Variants in DSP observed in about 807,000 individuals in gnomAD.
DSP encodes the protein desmoplakin.
A neutral mutation model predicts 290.6 loss-of-function variants in DSP; 114 were observed. That is an observed-to-expected ratio of 0.39 (90% CI 0.34 to 0.46). DSP has a LOEUF of 0.46. DSP is among the 20% of genes least tolerant of loss of function. The probability of loss-of-function intolerance (pLI) is 0.99; values close to 1 mark genes in which losing one functional copy is unlikely to be tolerated. For synonymous variants in DSP, 1,311 were observed against 1,316.4 expected (o/e 1.00, Z 0.09); for missense variants, 3,230 against 3,495.8 (o/e 0.92, Z 1.92).
Position 7,584,679 on chromosome 6 carries a change from A to C in DSP, c.7417A>C (p.Thr2473Pro). 1.9e-6 allele frequency: 3 copies of C among 1,614,178 alleles called. No homozygotes were observed. The highest frequency in any genetic ancestry group is 2.5e-6 in the Non-Finnish European group (3 of 1,180,038). ...TAGAGTGGTCATAGTTGACCCAGAA[A>C]CCAATAAAGAAATGTCTGTTCAGGA... ...KRRVVIVDPE[T>P]NKEMSVQEAY... The change falls in exon 24 of 24, where the codon ACC (threonine) becomes CCC (proline). Residue 2473 changes from threonine to proline, a missense_variant. By Grantham distance (38) the Thr-to-Pro change is conservative (BLOSUM62 -1). This residue lies in a region of DSP where 582 missense variants were observed against 555.4 expected (regional missense o/e 1.05). Coordinates refer to ENST00000379802, the MANE Select transcript of DSP (RefSeq NM_004415.4). This position sits in a 1 kb window ranked among gnomAD's most constrained non-coding sequence, Gnocchi z 6.4.
chr6:7,542,101 G>C lies in DSP; in HGVS notation c.170+16G>C. On this transcript the variant is annotated intron_variant, in intron 1 of 23. Transcript: ENST00000379802. ...ACGGCTACTGGTGGGTACCTGCCCG[G>C]AGAGCGCGGGCTGCGGGGCTCGCGG... is the stretch of plus-strand genomic sequence containing the variant. 6.4e-7 allele frequency: 1 copy of C among 1,553,718 alleles called. No individual in the cohort carries two copies. The highest frequency in any genetic ancestry group is 8.7e-7 in the Non-Finnish European group (1 of 1,148,766).
intron 1 of DSP, 24 bp from the exon 2 acceptor site, chr6:7,555,694 G>C: frequency 6.2e-7 from 1 of 1,605,034 alleles, no homozygotes; most frequent in South Asian, 1.1e-5. Flanking sequence ...TTGATGTCTG[G>C]TTTCTCTGTG....
intron 19 of DSP, among the ~76,000 whole-genome samples, chr6:7,576,680 T>A (rs1425819665): frequency 6.6e-6 from 1 of 152,204 alleles, no homozygotes; most frequent in Non-Finnish European, 1.5e-5. Flanking sequence ...GTTCTCTTCA[T>A]GTTATCATAA....
At position 7,584,055 on chromosome 6, in the gene DSP, A is replaced by G; in HGVS notation, c.6793A>G (p.Asn2265Asp). 6.2e-7 allele frequency: 1 copy of G among 1,614,182 alleles called. No individual in the cohort carries two copies. The highest frequency in any genetic ancestry group is 1.7e-5 in the Admixed American group (1 of 60,032). The change falls in exon 24 of 24, where the codon AAT becomes GAT. Residue 2265 changes from asparagine to aspartate, a missense_variant. Asn to Asp is a conservative substitution (Grantham distance 23). Around this residue, in one of 5 missense-constraint regions of DSP, gnomAD observed 207 missense variants for 281.2 expected, o/e 0.74. Transcript: ENST00000379802. The surrounding 1 kb of genome is among the most constrained non-coding windows in gnomAD (Gnocchi z 6.4). ...QGSSCIAGIY[N>D]ETTKQKLGIY... ...TTCAAGCTGCATAGCAGGCATATAC[A>G]ATGAGACCACAAAACAGAAGCTTGG...
In DSP at chr6:7,558,296, C is replaced by G. The variant is rs75293156; in HGVS notation, c.422+32C>G. On this transcript the variant is annotated intron_variant, in intron 3 of 23. Transcript: ENST00000379802. ...TCCACAGAGCATGGATCGGGCAGTC[C>G]CCATGAAAAAGAACACCACATAACC... 7,358 of 1,603,400 alleles carry G rather than the reference C, an allele frequency of 4.6e-3. 274 individuals are homozygous for G. In the African/African-American group the frequency reaches 0.082, roughly 18 times the overall value.
chr6:7,568,225 C>T (rs1758921931), intron 10 of DSP, among the ~76,000 whole-genome samples: 1 of 152,202 alleles, frequency 6.6e-6, no homozygotes, highest in Non-Finnish European at 1.5e-5. Flanking sequence ...GGATGTTCTT[C>T]CCTGCCCACT....
At position 7,576,472 on chromosome 6, in the gene DSP, T is replaced by C; in HGVS notation, c.2793+16T>C. On this transcript the variant is annotated intron_variant, in intron 19 of 23. Coordinates refer to ENST00000379802, the MANE Select transcript of DSP (RefSeq NM_004415.4). ...TGAGCAGAAGGTATAAGCCAACTTT[T>C]TGTTCCATAGCTGTTTTGAGATTAA... 6.2e-7 allele frequency: 1 copy of C among 1,614,076 alleles called. No homozygotes were observed. Among genetic ancestry groups the C allele is most frequent in the Non-Finnish European group, 8.5e-7 (1 of 1,179,966 alleles).
At chr6:7,548,903 C>A (rs1430917347) in intron 1 of DSP, among the ~76,000 whole-genome samples, 1 of 152,126 alleles carries the variant, frequency 6.6e-6, no homozygotes, top group Admixed American at 6.5e-5. Context: ...CATTAAGTAC[C>A]TTCTGTGTGC....
intron 13 of DSP, 117 bp downstream of exon 13, chr6:7,570,680 G>A: frequency 6.8e-7 from 1 of 1,466,766 alleles, no homozygotes; most frequent in East Asian, 2.3e-5. Context: ...GTCTCGTCAA[G>A]CAAGTCAGCT....
Position 7,582,064 on chromosome 6 carries a change from C to CT in DSP, c.5379+498dup, listed in dbSNP as rs1207190713. Among the ~76,000 whole-genome samples, 1 of 151,582 alleles carries CT rather than the reference C, an allele frequency of 6.6e-6. No homozygotes were observed. Among genetic ancestry groups the CT allele is most frequent in the African/African-American group, 2.4e-5 (1 of 41,226 alleles). On this transcript the variant is annotated intron_variant, in intron 23 of 23. Transcript: ENST00000379802. The surrounding 1 kb of genome is among the most constrained non-coding windows in gnomAD (Gnocchi z 4.2). ...CCCTAGTGTGTTTCCTTTTGTTTGACTTTCCTTCTCCTAACCCTTAATTTA... is the reference window on the plus strand; with the variant it reads ...CCCTAGTGTGTTTCCTTTTGTTTGACTTTTCCTTCTCCTAACCCTTAATTTA...
In DSP at chr6:7,559,593, G is replaced by A. The variant is rs570782418; in HGVS notation, c.597+193G>A. Among the ~76,000 whole-genome samples, 178 of 152,312 alleles carry A rather than the reference G, an allele frequency of 1.2e-3. 2 individuals carry two copies. Among genetic ancestry groups the A allele is most frequent in the African/African-American group, 4.2e-3 (176 of 41,566 alleles). On this transcript the variant is annotated intron_variant, in intron 4 of 23. Transcript: ENST00000379802. ...TTTGGAATGAATGAGATTTCAGTGT[G>A]GCTTGGGGAATCAGCCTCATTGCTT...
chr6:7,561,419 C>T (rs983394834), intron 4 of DSP, among the ~76,000 whole-genome samples: 6 of 152,186 alleles, frequency 3.9e-5, no homozygotes, highest in African/African-American at 1.4e-4. Context: ...CCCCTGCATG[C>T]TTTACCTCAT....
rs794728118 is a variant in DSP, at chr6:7,575,475, C to G, written c.2617C>G (p.Gln873Glu). The G allele has an allele frequency of 1.1e-5, 17 of 1,614,094 alleles. No homozygotes were observed. The highest frequency in any genetic ancestry group is 2.7e-5 in the African/African-American group (2 of 74,924). The stretch of plus-strand genomic sequence containing the variant: ...AGACCGCTGGCAAAGGATAGATAAA[C>G]AGATCGACTTTAGGTATGCCAGCCT... ...LTDRWQRIDK[Q>E]IDFRLWDLEK... The change falls in exon 18 of 24, where the codon CAG becomes GAG. Residue 873 changes from glutamine to glutamate, a missense_variant. Transcript: ENST00000379802.
rs200962599 is a variant in DSP at position 7,566,512 on chromosome 6, GA to G, written c.1044+42del. ...CTTCATGAGGTTTATATTTTTGTTA[GA>G]AAAAAAAAAACTTTTCATAAAGTAA... On this transcript the variant is annotated intron_variant, in intron 8 of 23. Coordinates refer to ENST00000379802, the MANE Select transcript of DSP (RefSeq NM_004415.4). 2.3e-3 allele frequency: 3,024 copies of G among 1,301,696 alleles called. 1 individual carries two copies. Among genetic ancestry groups the G allele is most frequent in the African/African-American group, 2.8e-3 (185 of 65,268 alleles). The allele number at this position is 1,301,696 out of a possible 1,614,324, so 80.6% of individuals were successfully genotyped here. A position where few individuals can be genotyped will look rare whatever the true frequency, so the allele number is the denominator to read the frequency against.
In DSP at chr6:7,565,538, G is replaced by A. The variant is rs756071363; in HGVS notation, c.939+18G>A. 41 of 1,613,624 alleles carry A rather than the reference G, an allele frequency of 2.5e-5. No homozygotes were observed. The highest frequency in any genetic ancestry group is 3.3e-4 in the Middle Eastern group (2 of 6,054). On this transcript the variant is annotated intron_variant, in intron 7 of 23. Transcript: ENST00000379802. The surrounding 1 kb of genome is among the most constrained non-coding windows in gnomAD (Gnocchi z 4.2). Reference sequence around the variant, plus strand: ...CCTTCTCCGTAAGTTCACCCCACGCGGCTGTAGATGCTTGTCTTGAGCCTG... The same window carrying A: ...CCTTCTCCGTAAGTTCACCCCACGCAGCTGTAGATGCTTGTCTTGAGCCTG...
chr6:7,581,177 G>A lies in DSP; in HGVS notation c.4987G>A (p.Ala1663Thr). Residue 1663 changes from alanine to threonine, a missense_variant, in exon 23 of 24, where the codon GCC (alanine) becomes ACC (threonine). This residue lies in a region of DSP where 1,714 missense variants were observed against 1,844.5 expected (regional missense o/e 0.93). Coordinates refer to ENST00000379802, the MANE Select transcript of DSP (RefSeq NM_004415.4). Reference protein sequence around the residue: ...ELRRLSSEVEALRRQLLQEQE... With the variant: ...ELRRLSSEVETLRRQLLQEQE... ...GAGGAGGCTCTCTTCTGAGGTCGAGGCCCTGAGGCGGCAGTTACTCCAGGA... is the reference window on the plus strand; with the variant it reads ...GAGGAGGCTCTCTTCTGAGGTCGAGACCCTGAGGCGGCAGTTACTCCAGGA... 1 of 1,614,174 alleles carries A rather than the reference G, an allele frequency of 6.2e-7. No homozygotes were observed. Among genetic ancestry groups the A allele is most frequent in the Non-Finnish European group, 8.5e-7 (1 of 1,180,042 alleles).
intron 1 of DSP, among the ~76,000 whole-genome samples, chr6:7,544,726 A>T (rs563072923): frequency 1.3e-5 from 2 of 152,142 alleles, no homozygotes; most frequent in South Asian, 4.1e-4. Flanking sequence ...TGTCCTTTCC[A>T]CGAACAGCAC....
At chr6:7,560,222 G>A (rs919269847) in intron 4 of DSP, among the ~76,000 whole-genome samples, 1 of 152,210 alleles carries the variant, frequency 6.6e-6, no homozygotes, top group Non-Finnish European at 1.5e-5. Flanking sequence ...AGATGTGGTT[G>A]TAAGAAAGCT....
chr6:7,576,540 C>T lies in DSP; in HGVS notation c.2793+84C>T. The T allele has an allele frequency of 2.6e-6, 4 of 1,542,322 alleles. No individual in the cohort carries two copies. In the South Asian group the frequency reaches 3.4e-5, roughly 13 times the overall value. On this transcript the variant is annotated intron_variant, in intron 19 of 23. Transcript: ENST00000379802. ...TTTCCTCTGGTTTTTGTATCAGTGC[C>T]TAGGTTTGAAATGATGAATATTTAA...
Sources: gnomAD v4.1 joint callset for allele counts (sites outside exome capture counted in the v4.1 genomes callset) on GRCh38, gnomAD v4.1.1 for gene constraint, gnomAD v4.1.1 regional missense constraint, Gnocchi (gnomAD v3.1) non-coding constraint, MANE v1.5 for transcripts, NCBI Gene and HGNC (gene_info 2026-07-23, HGNC 2026-07-21) for gene names.